The following MYOM1 variants were observed in gnomAD, a reference collection of about 807,000 sequenced individuals.
The protein encoded by MYOM1 is myomesin 1.
Under a neutral mutation model 205.3 loss-of-function variants are expected in MYOM1, and 164 were observed. The ratio of observed to expected loss-of-function variants is 0.80; its 90% CI spans 0.70 to 0.91. The LOEUF is 0.91. Ranked by LOEUF, MYOM1 falls within the 40% of genes least tolerant of loss-of-function variation. MYOM1 has a pLI of 0.00. For missense variants in MYOM1, 2,011 were observed against 2,127.3 expected, an observed-to-expected ratio of 0.95 and a Z score of 1.08; for synonymous variants, 772 against 789.4, an observed-to-expected ratio of 0.98 and a Z score of 0.37.
chr18:3,177,178 G>T (rs2080653320), intron 5 of MYOM1, among the ~76,000 whole-genome samples: 1 of 152,008 alleles, frequency 6.6e-6, no homozygotes, highest in Non-Finnish European at 1.5e-5. Flanking sequence ...GGCTGAGGCT[G>T]CAGTGAGCTA....
chr18:3,203,354 T>C (rs145922854), intron 2 of MYOM1, among the ~76,000 whole-genome samples: 2 of 151,620 alleles, frequency 1.3e-5, no homozygotes, highest in African/African-American at 4.8e-5. Context: ...AGTTGGTTCT[T>C]TGAAAAGATC....
At position 3,141,963 on chromosome 18, in the gene MYOM1, C is replaced by T. The variant is rs1408192476; in HGVS notation, c.2001G>A (p.Glu667=). The change falls in exon 14 of 38, where the codon GAG becomes GAA. Residue 667 remains glutamate (E), a synonymous_variant. Transcript: ENST00000356443. ...SWKPPGQRGH[E]GIMYFVEKCE... ...CCTTTTCCACAAAGTACATAATGCC[C>T]TCATGACCACGCTGGCCAGGGGGCT... The T allele has an allele frequency of 1.2e-6, 2 of 1,613,782 alleles. No individual in the cohort carries two copies. The highest frequency in any genetic ancestry group is 3.3e-5 in the Admixed American group (2 of 60,020).
chr18:3,130,234 G>C (rs958970182), intron 17 of MYOM1, among the ~76,000 whole-genome samples: 2 of 151,774 alleles, frequency 1.3e-5, no homozygotes, highest in African/African-American at 4.8e-5. Context: ...GTAGAGACAG[G>C]GTTTAGCCAT....
intron 36 of MYOM1, among the ~76,000 whole-genome samples, chr18:3,073,096 AGCCACCAG>A (rs1293817132): frequency 6.6e-6 from 1 of 151,736 alleles, no homozygotes; most frequent in Non-Finnish European, 1.5e-5. Context: ...TACAGGCACA[AGCCACCAG>A]GCCTGGCCAT....
chr18:3,153,408 C>T (rs540384054), intron 11 of MYOM1, among the ~76,000 whole-genome samples: 1 of 152,176 alleles, frequency 6.6e-6, no homozygotes, highest in African/African-American at 2.4e-5. Flanking sequence ...TTAATATATG[C>T]GAAGTGTTTA....
In MYOM1 at chr18:3,067,434, GCGGTCCT is replaced by G; in HGVS notation, c.4879_4885del (p.Ala1629SerfsTer6). ...GCTCACGCCGTTGATGGTGAAGTAC[GCGGTCCT>G]CCCAGCCTCGAACTTGAGGTTGCAG... On this transcript the variant is annotated frameshift_variant, in exon 38 of 38. Coordinates refer to ENST00000356443, the MANE Select transcript of MYOM1 (RefSeq NM_003803.4). LOFTEE classifies it low-confidence loss of function (END_TRUNC). 6.2e-7 allele frequency: 1 copy of G among 1,613,708 alleles called. No individual in the cohort carries two copies. The highest frequency in any genetic ancestry group is 8.5e-7 in the Non-Finnish European group (1 of 1,179,908).
In MYOM1 at chr18:3,094,284, C is replaced by T. The variant is rs757339784; in HGVS notation, c.3750G>A (p.Leu1250=). 4 of 1,612,052 alleles carry T rather than the reference C, an allele frequency of 2.5e-6. No individual in the cohort carries two copies. Among genetic ancestry groups the T allele is most frequent in the Non-Finnish European group, 3.4e-6 (4 of 1,178,964 alleles). The change falls in exon 26 of 38, where the codon TTG becomes TTA. Residue 1250 remains leucine (L), a synonymous_variant. Coordinates refer to ENST00000356443, the MANE Select transcript of MYOM1 (RefSeq NM_003803.4). ...GGCCTTTCTCCAAAATTTCAACTGC[C>T]AACTCTGATTTAACTGGGACAGCTA... The part of the protein sequence containing the change: ...KFPTVPVKSE[L]AVEILEKGQV...
At chr18:3,076,008 C>T (rs1261524169) in intron 34 of MYOM1, among the ~76,000 whole-genome samples, 1 of 152,182 alleles carries the variant, frequency 6.6e-6, no homozygotes, top group African/African-American at 2.4e-5. Context: ...AGGGCTTCAG[C>T]CCCTCAAACG....
intron 2 of MYOM1, among the ~76,000 whole-genome samples, chr18:3,204,840 C>T (rs80058853): frequency 6.6e-6 from 1 of 151,956 alleles, no homozygotes; most frequent in South Asian, 2.1e-4. Context: ...AACAGTAGCA[C>T]TATGGTACTG....
chr18:3,083,856 C>A lies in MYOM1; in HGVS notation c.4417G>T (p.Glu1473Ter). 1 of 1,583,728 alleles carries A rather than the reference C, an allele frequency of 6.3e-7. No individual in the cohort carries two copies. ...ACAAAAGAGTACAGTTGGATGCCCT[C>A]GGCTGTGCTCTGGATTTTCAGGTCT... ...ATDLKIQSTA[E>*]GIQLYSFVTY... Residue 1473 changes from glutamate (E) to a stop codon, truncating the protein, a stop_gained, in exon 33 of 38, where the codon GAG becomes TAG. Coordinates refer to ENST00000356443, the MANE Select transcript of MYOM1 (RefSeq NM_003803.4). LOFTEE classifies it high-confidence loss of function.
the MYOM1 span, among the ~76,000 whole-genome samples, chr18:3,235,185 TTC>T: frequency 6.6e-6 from 1 of 152,216 alleles, no homozygotes; most frequent in Non-Finnish European, 1.5e-5. Context: ...CTACATTTTT[TTC>T]TTTTTGTCTC....
chr18:3,101,098 C>T (rs993937446), intron 23 of MYOM1, among the ~76,000 whole-genome samples: 3 of 152,132 alleles, frequency 2.0e-5, no homozygotes, highest in Admixed American at 6.5e-5. Context: ...AAAAAATTAT[C>T]GTTCAATTAT....
At chr18:3,145,640 GA>G in intron 13 of MYOM1, among the ~76,000 whole-genome samples, 1 of 151,792 alleles carries the variant, frequency 6.6e-6, no homozygotes, top group African/African-American at 2.4e-5. Flanking sequence ...GGAGTACTTA[GA>G]AAAAAATATT....
chr18:3,086,218 C>A, intron 29 of MYOM1, 67 bp from the exon 30 acceptor site: 1 of 865,746 alleles, frequency 1.2e-6, no homozygotes, highest in African/African-American at 1.7e-5. Flanking sequence ...TTGAATAGTT[C>A]TTAATGCAGC....
At chr18:3,227,870 T>G in the MYOM1 span, among the ~76,000 whole-genome samples, 1 of 152,182 alleles carries the variant, frequency 6.6e-6, no homozygotes, top group Non-Finnish European at 1.5e-5. Flanking sequence ...TGGCGATAGT[T>G]ATACAACAGT....
rs534347526 is a variant in MYOM1, at chr18:3,101,933, G to A, written c.3575+541C>T. On this transcript the variant is annotated intron_variant, in intron 23 of 37. Coordinates refer to ENST00000356443, the MANE Select transcript of MYOM1 (RefSeq NM_003803.4). Reference sequence around the variant, plus strand: ...ACCCCTAGGCTCAAGTGATCTTTCTGCCTCAGCCTCCTGAGTTGCTAGGAT... The same window carrying A: ...ACCCCTAGGCTCAAGTGATCTTTCTACCTCAGCCTCCTGAGTTGCTAGGAT... 2.7e-5 allele frequency among the ~76,000 whole-genome samples: 4 copies of A among 149,646 alleles called. No individual in the cohort carries two copies. The East Asian group carries it at 5.9e-4, about 22-fold the overall frequency.
intron 16 of MYOM1, among the ~76,000 whole-genome samples, chr18:3,133,114 C>T (rs948171615): frequency 1.3e-5 from 2 of 152,098 alleles, no homozygotes; most frequent in African/African-American, 2.4e-5. Flanking sequence ...CAGCTCCTGC[C>T]TACGCACCAC....
At chr18:3,202,198 A>G (rs2144211753) in intron 2 of MYOM1, among the ~76,000 whole-genome samples, 1 of 152,352 alleles carries the variant, frequency 6.6e-6, no homozygotes, top group East Asian at 1.9e-4. Flanking sequence ...CTCAAAGAAT[A>G]TAGTCAAGAA....
intron 14 of MYOM1, among the ~76,000 whole-genome samples, chr18:3,139,674 G>A (rs780868923): frequency 2.6e-5 from 4 of 152,216 alleles, no homozygotes; most frequent in South Asian, 2.1e-4. Context: ...GTCCCTGGAC[G>A]TGCTCTGTGT....
Sources: allele counts gnomAD v4.1 joint callset (sites outside exome capture counted in the v4.1 genomes callset), GRCh38; gene constraint gnomAD v4.1.1; transcripts MANE v1.5; gene names NCBI Gene and HGNC (gene_info 2026-07-23, HGNC 2026-07-21).